NCBP1: variants seen among roughly 807,000 people sequenced by gnomAD.
The protein encoded by NCBP1 is nuclear cap binding protein subunit 1.
A neutral mutation model predicts 111.7 loss-of-function variants in NCBP1; 16 were observed. The ratio of observed to expected loss-of-function variants is 0.14; its 90% confidence interval spans 0.10 to 0.22. NCBP1 has a LOEUF of 0.22. Ranked by LOEUF, NCBP1 falls within the 10% of genes least tolerant of loss-of-function variation. NCBP1 has a pLI of 1.00. For synonymous variants in NCBP1, 304 were observed against 314.3 expected, an observed-to-expected ratio of 0.97 and a Z score of 0.35; for missense variants, 607 against 957.5, an observed-to-expected ratio of 0.63 and a Z score of 4.83.
chr9:97,646,213 A>G (rs1827330898), intron 6 of NCBP1, among the ~76,000 whole-genome samples: 1 of 152,230 alleles, frequency 6.6e-6, no homozygotes. Flanking sequence ...CTCTTAAAAC[A>G]GTGGTCCTTA....
chr9:97,637,855 T>C (rs1587993949), intron 1 of NCBP1, among the ~76,000 whole-genome samples: 1 of 152,248 alleles, frequency 6.6e-6, no homozygotes, highest in African/African-American at 2.4e-5. Context: ...TGTACCCGTA[T>C]AAAATTAGGA....
At chr9:97,644,164 T>C (rs541099271) in intron 4 of NCBP1, among the ~76,000 whole-genome samples, 8 of 152,334 alleles carry the variant, frequency 5.3e-5, no homozygotes, top group Admixed American at 1.3e-4. Context: ...GTTGAAGATA[T>C]GTGATCAAAT....
At position 97,672,239 on chromosome 9, in the gene NCBP1, T is replaced by C. The variant is rs1009076619; in HGVS notation, c.*1040T>C. On this transcript the variant is annotated 3_prime_UTR_variant, in exon 23 of 23. Coordinates refer to ENST00000375147, the MANE Select transcript of NCBP1 (RefSeq NM_002486.5). ...TTTTTAGACTTTTTTCATTAAACCT[T>C]AGAAAAAAATTACCAGTAATCCTAC... is the stretch of plus-strand genomic sequence containing the variant. 3.3e-5 allele frequency: 5 copies of C among 152,086 alleles called. No homozygotes were observed. Among genetic ancestry groups the C allele is most frequent in the Non-Finnish European group, 5.9e-5 (4 of 67,976 alleles). The allele number at this position is 152,086 out of a possible 1,614,324, so 9.4% of individuals were successfully genotyped here. A position where few individuals can be genotyped will look rare whatever the true frequency, so the allele number is the denominator to read the frequency against.
intron 19 of NCBP1, 148 bp from the exon 20 acceptor site, chr9:97,666,615 G>A: frequency 1.8e-6 from 1 of 548,356 alleles, no homozygotes; most frequent in Non-Finnish European, 3.2e-6. Flanking sequence ...AGACCAATTT[G>A]TAAGTATTGC....
chr9:97,643,982 C>A (rs1033664549), intron 4 of NCBP1, among the ~76,000 whole-genome samples: 6 of 152,148 alleles, frequency 3.9e-5, no homozygotes, highest in Admixed American at 2.0e-4. Flanking sequence ...TAGTTCCTTC[C>A]CATTGTCTAC....
At chr9:97,657,924 ATAT>A (rs373174193) in intron 14 of NCBP1, among the ~76,000 whole-genome samples, 6,264 of 119,098 alleles carry the variant, frequency 0.053, 126 homozygotes, top group African/African-American at 0.082. Flanking sequence ...ATATATATAT[ATAT>A]TTTTTTTTTT....
At chr9:97,649,505 G>C (rs1321224819) in intron 8 of NCBP1, among the ~76,000 whole-genome samples, 1 of 151,980 alleles carries the variant, frequency 6.6e-6, no homozygotes, top group African/African-American at 2.4e-5. Context: ...TCTCTTTTCT[G>C]TTCTATGGTA....
chr9:97,657,926 A>AT (rs57402675), intron 14 of NCBP1, among the ~76,000 whole-genome samples: 5,247 of 91,482 alleles, frequency 0.057, 202 homozygotes, highest in East Asian at 0.13. Flanking sequence ...ATATATATAT[A>AT]TTTTTTTTTT....
Position 97,671,002 on chromosome 9 carries a change from TGGGTGG to T in NCBP1, c.2260-82_2260-77del, listed in dbSNP as rs558890078. Reference sequence around the variant, plus strand: ...TTCCTCTTTTCATCATTCTGCAGCATGGGTGGGCTGCTGAAGGAAATGTTCCACAAG... The same window carrying T: ...TTCCTCTTTTCATCATTCTGCAGCATGCTGCTGAAGGAAATGTTCCACAAG... On this transcript the variant is annotated intron_variant, in intron 22 of 22. Coordinates refer to ENST00000375147, the MANE Select transcript of NCBP1 (RefSeq NM_002486.5). The T allele has an allele frequency of 1.6e-3, 1,278 of 820,280 alleles. 26 individuals carry two copies. In the South Asian group the frequency reaches 0.021, roughly 14 times the overall value. 50.8% of individuals were successfully genotyped at this position (820,280 alleles called of 1,614,324 possible).
At chr9:97,643,088 T>C in intron 3 of NCBP1, 116 bp from the exon 4 acceptor site, 2 of 1,011,374 alleles carry the variant, frequency 2.0e-6, no homozygotes, top group Non-Finnish European at 2.8e-6. Flanking sequence ...TTTAAAGACA[T>C]AGCTAAAAGT....
chr9:97,639,795 A>C lies in NCBP1; in HGVS notation c.35-999A>C, dbSNP rs148628797. 3.2e-4 allele frequency among the ~76,000 whole-genome samples: 48 copies of C among 152,270 alleles called. 1 individual carries two copies. The highest frequency in any genetic ancestry group is 9.4e-4 in the African/African-American group (39 of 41,544). On this transcript the variant is annotated intron_variant, in intron 1 of 22. Coordinates refer to ENST00000375147, the MANE Select transcript of NCBP1 (RefSeq NM_002486.5). ...CTTAGGTGAGTGTGTTAAGGCTTTA[A>C]ACAAAGTGGTAAGAGATACAAACAG...
intron 20 of NCBP1, 79 bp downstream of exon 20, chr9:97,666,956 G>C (rs1392469292): frequency 1.9e-6 from 2 of 1,072,852 alleles, no homozygotes; most frequent in African/African-American, 3.3e-5. Context: ...TCATTATCTT[G>C]ATGATATTTC....
intron 6 of NCBP1, among the ~76,000 whole-genome samples, chr9:97,646,786 G>T (rs6478325): frequency 2.1e-5 from 3 of 146,012 alleles, no homozygotes; most frequent in African/African-American, 7.7e-5. Context: ...GCAGTGAGCC[G>T]ACATGGTGCC....
chr9:97,638,072 A>G (rs528386042), intron 1 of NCBP1, among the ~76,000 whole-genome samples: 27 of 152,312 alleles, frequency 1.8e-4, no homozygotes, highest in African/African-American at 6.3e-4. Context: ...TTCAGGGTAC[A>G]TTGAGCGAAT....
chr9:97,658,816 G>A (rs1587718356), intron 15 of NCBP1, 73 bp downstream of exon 15: 2 of 1,211,658 alleles, frequency 1.7e-6, no homozygotes, highest in Non-Finnish European at 2.4e-6. Context: ...GTTGTTTAAA[G>A]TGGAGAAATT....
Position 97,647,356 on chromosome 9 carries a change from A to T in NCBP1, c.612-136A>T. On this transcript the variant is annotated intron_variant, in intron 6 of 22. Coordinates refer to ENST00000375147, the MANE Select transcript of NCBP1 (RefSeq NM_002486.5). Reference sequence around the variant, plus strand: ...TCTTGATGATACACAGTACATTATCAAAACAGTTGATATCTGCCACTCCAG... The same window carrying T: ...TCTTGATGATACACAGTACATTATCTAAACAGTTGATATCTGCCACTCCAG... 3 of 629,492 alleles carry T rather than the reference A, an allele frequency of 4.8e-6. No homozygotes were observed. In the South Asian group the frequency reaches 5.6e-5, roughly 12 times the overall value. 39.0% of individuals were successfully genotyped at this position (629,492 alleles called of 1,614,324 possible).
chr9:97,661,847 G>A (rs1316357683), intron 16 of NCBP1, among the ~76,000 whole-genome samples, 195 bp from the exon 17 acceptor site: 2 of 143,666 alleles, frequency 1.4e-5, no homozygotes, highest in Non-Finnish European at 3.0e-5. Flanking sequence ...ATAAAACTAA[G>A]ACTTAAAATT....
intron 18 of NCBP1, among the ~76,000 whole-genome samples, chr9:97,663,466 A>C (rs1451392708): frequency 1.3e-5 from 2 of 152,040 alleles, no homozygotes; most frequent in Non-Finnish European, 2.9e-5. Flanking sequence ...TATTTTTTTG[A>C]ATACGTATTA....
At chr9:97,656,589 A>T (rs1179992392) in intron 14 of NCBP1, among the ~76,000 whole-genome samples, 3 of 152,222 alleles carry the variant, frequency 2.0e-5, no homozygotes, top group Admixed American at 2.0e-4. Flanking sequence ...ATATGAAATG[A>T]ATTCAGATTT....
Sources: allele counts gnomAD v4.1 joint callset (sites outside exome capture counted in the v4.1 genomes callset), GRCh38; gene constraint gnomAD v4.1.1; transcripts MANE v1.5; gene names NCBI Gene and HGNC (gene_info 2026-07-23, HGNC 2026-07-21).